FREM1: variants seen among roughly 807,000 people sequenced by gnomAD.
FREM1 encodes the protein FRAS1-related extracellular matrix protein 1.
A neutral mutation model predicts 210.1 loss-of-function variants in FREM1; 220 were observed. That is an observed-to-expected ratio of 1.05 (90% CI 0.94 to 1.17). The LOEUF (loss-of-function observed/expected upper bound fraction) is 1.17. Ranked by LOEUF, FREM1 falls within the 50% of genes most tolerant of loss-of-function variation. The pLI is 0.00. For synonymous variants in FREM1, 1,189 were observed against 980.2 expected (o/e 1.21, Z -3.98); for missense variants, 3,454 against 2,675.5 (o/e 1.29, Z -6.42).
rs985154683 is a variant in FREM1 at position 14,868,675 on chromosome 9, C to T, written c.234+69G>A. On this transcript the variant is annotated intron_variant, in intron 2 of 36. Transcript: ENST00000380880. ...GAGACATTTTACATCTGTTCTCTGT[C>T]CCCCCACACATTTTCATACACTTGC... is the stretch of plus-strand genomic sequence containing the variant. 1.2e-5 allele frequency: 12 copies of T among 960,994 alleles called. No individual in the cohort carries two copies. In the African/African-American group the frequency reaches 1.5e-4, roughly 12 times the overall value. 59.5% of individuals were successfully genotyped at this position (960,994 alleles called of 1,614,324 possible). A position where few individuals can be genotyped will look rare whatever the true frequency, so the allele number is the denominator to read the frequency against.
chr9:14,858,858 A>G (rs1588413577), intron 4 of FREM1, among the ~76,000 whole-genome samples: 1 of 152,308 alleles, frequency 6.6e-6, no homozygotes, highest in East Asian at 1.9e-4. Context: ...TGTGAGCCAG[A>G]CACTGTGTTA....
At chr9:14,766,513 G>T (rs1846438020) in intron 27 of FREM1, among the ~76,000 whole-genome samples, 1 of 152,092 alleles carries the variant, frequency 6.6e-6, no homozygotes, top group Non-Finnish European at 1.5e-5. Context: ...AAGCACGCAA[G>T]CTAGCTAGCT....
chr9:14,864,255 C>T (rs1460123795), intron 2 of FREM1, among the ~76,000 whole-genome samples: 1 of 152,192 alleles, frequency 6.6e-6, no homozygotes, highest in Non-Finnish European at 1.5e-5. Context: ...TTCAGGGGTT[C>T]ACAGCAATTG....
At chr9:14,801,068 G>A (rs979885607) in intron 20 of FREM1, among the ~76,000 whole-genome samples, 2 of 152,154 alleles carry the variant, frequency 1.3e-5, no homozygotes, top group East Asian at 1.9e-4. Context: ...GCACGATCTC[G>A]GCTCACTGCA....
chr9:14,835,903 C>G (rs1380055113), intron 10 of FREM1, among the ~76,000 whole-genome samples: 1 of 152,162 alleles, frequency 6.6e-6, no homozygotes, highest in Non-Finnish European at 1.5e-5. Flanking sequence ...TGTTTTTCAG[C>G]TTTTTGCCTA....
intron 1 of FREM1, among the ~76,000 whole-genome samples, chr9:14,877,940 A>AC (rs1393385553): frequency 6.6e-6 from 1 of 152,148 alleles, no homozygotes; most frequent in Non-Finnish European, 1.5e-5. Flanking sequence ...TTCCTTCAAA[A>AC]CATATCCAGA....
intron 10 of FREM1, among the ~76,000 whole-genome samples, chr9:14,829,123 G>A (rs937111532): frequency 1.3e-5 from 2 of 151,940 alleles, no homozygotes; most frequent in Non-Finnish European, 2.9e-5. Flanking sequence ...AATTTTTTTT[G>A]TAGGTAGGAG....
Position 14,848,678 on chromosome 9 carries a change from T to G in FREM1, c.1248A>C (p.Val416=), listed in dbSNP as rs1827119624. 2 of 1,604,220 alleles carry G rather than the reference T, an allele frequency of 1.2e-6. No homozygotes were observed. The highest frequency in any genetic ancestry group is 1.7e-6 in the Non-Finnish European group (2 of 1,171,308). ...IRTADTNAPR[V]SWNTGLSLLE... ...ATTGAGCTTTACCTGTATTCCAGGA[T>G]ACACGGGGGGCATTTGTATCTGCTG... The change falls in exon 7 of 37, where the codon GTA becomes GTC. Residue 416 remains valine (V), a synonymous_variant. Transcript: ENST00000380880.
chr9:14,904,559 C>G (rs1037922009), intron 1 of FREM1, among the ~76,000 whole-genome samples: 2 of 151,464 alleles, frequency 1.3e-5, no homozygotes, highest in Non-Finnish European at 3.0e-5. Context: ...AATAGTCTGT[C>G]TTCAGATGTT....
At chr9:14,827,107 G>A (rs1822603160) in intron 10 of FREM1, among the ~76,000 whole-genome samples, 1 of 152,156 alleles carries the variant, frequency 6.6e-6, no homozygotes, top group South Asian at 2.1e-4. Context: ...GCTAGAAAAA[G>A]CCTATATTGC....
At chr9:14,849,001 T>A (rs1047715372) in intron 6 of FREM1, among the ~76,000 whole-genome samples, 11 of 152,238 alleles carry the variant, frequency 7.2e-5, no homozygotes, top group African/African-American at 2.4e-4. Flanking sequence ...AAGAATTTAT[T>A]AATCTAAAAT....
chr9:14,845,052 A>T (rs77080271), intron 8 of FREM1, among the ~76,000 whole-genome samples: 2 of 152,204 alleles, frequency 1.3e-5, no homozygotes, highest in African/African-American at 4.8e-5. Context: ...CCCTGCTCAC[A>T]AATGATGGTG....
In FREM1 at chr9:14,794,379, A is replaced by G. The variant is rs574434727; in HGVS notation, c.3840-1495T>C. Among the ~76,000 whole-genome samples the G allele has an allele frequency of 2.6e-5, 4 of 152,294 alleles. No individual in the cohort carries two copies. In the South Asian group the frequency reaches 8.3e-4, roughly 32 times the overall value. ...AGCTGGAGCATTTATCTTATCTACT[A>G]GCTCCCGAGGTTAAGGGCTGTCCCC... is the stretch of plus-strand genomic sequence containing the variant. On this transcript the variant is annotated intron_variant, in intron 21 of 36. Coordinates refer to ENST00000380880, the MANE Select transcript of FREM1 (RefSeq NM_001379081.2).
At chr9:14,784,698 G>A in intron 23 of FREM1, 64 bp from the exon 24 acceptor site, 7 of 1,318,946 alleles carry the variant, frequency 5.3e-6, no homozygotes, top group Admixed American at 5.8e-5. Flanking sequence ...CCAAGGCAAA[G>A]GCAGAAGACA....
chr9:14,783,260 T>C (rs1027204073), intron 24 of FREM1, among the ~76,000 whole-genome samples: 6 of 152,182 alleles, frequency 3.9e-5, no homozygotes, highest in Non-Finnish European at 7.3e-5. Flanking sequence ...TCAGAGCAGA[T>C]ATATTGAATT....
In FREM1 at chr9:14,815,993, A is replaced by G. The variant is rs188517905; in HGVS notation, c.2640+785T>C. Among the ~76,000 whole-genome samples, 1,324 of 152,090 alleles carry G rather than the reference A, an allele frequency of 8.7e-3. 17 individuals are homozygous for G. The highest frequency in any genetic ancestry group is 0.03 in the African/African-American group (1,241 of 41,462). On this transcript the variant is annotated intron_variant, in intron 15 of 36. Coordinates refer to ENST00000380880, the MANE Select transcript of FREM1 (RefSeq NM_001379081.2). The stretch of plus-strand genomic sequence containing the variant: ...AGATTTTTCATTTGTCAAGAGGGGG[A>G]AATATGATTAAATCCTCATGCTAGG...
intron 35 of FREM1, among the ~76,000 whole-genome samples, chr9:14,746,078 G>A (rs757845269): frequency 2.6e-5 from 4 of 152,168 alleles, no homozygotes; most frequent in Non-Finnish European, 5.9e-5. Flanking sequence ...TGGCAATGGT[G>A]CAGCTTTAAC....
chr9:14,850,324 C>T (rs540226116), intron 6 of FREM1: 3 of 152,114 alleles, frequency 2.0e-5, no homozygotes, highest in South Asian at 4.2e-4. Flanking sequence ...AATAAGACTA[C>T]GGAATGTCCT....
rs1563825455 is a variant in FREM1, at chr9:14,748,590, C to G, written c.5607G>C (p.Trp1869Cys). Reference protein sequence around the residue: ...YSSNQSKHSTWEKGIWHLLPP... With the variant: ...YSSNQSKHSTCEKGIWHLLPP... ...GCAGCAGATGCCAAATGCCCTTCTCCCATGTGCTGTGCTTGCTTTGGTTGG... is the reference window on the plus strand; with the variant it reads ...GCAGCAGATGCCAAATGCCCTTCTCGCATGTGCTGTGCTTGCTTTGGTTGG... The change falls in exon 31 of 37, where the codon TGG becomes TGC. Residue 1869 changes from tryptophan (W) to cysteine (C), a missense_variant. By Grantham distance (215) the Trp-to-Cys change is radical. Transcript: ENST00000380880. The G allele has an allele frequency of 3.1e-6, 5 of 1,613,688 alleles. No individual in the cohort carries two copies. The highest frequency in any genetic ancestry group is 4.2e-6 in the Non-Finnish European group (5 of 1,179,820).
Sources: gnomAD v4.1 joint callset for allele counts (sites outside exome capture counted in the v4.1 genomes callset) on GRCh38, gnomAD v4.1.1 for gene constraint, MANE v1.5 for transcripts, NCBI Gene and HGNC (gene_info 2026-07-23, HGNC 2026-07-21) for gene names.